The following ZC3H7A variants were observed in gnomAD, a reference collection of about 807,000 sequenced individuals.
ZC3H7A encodes zinc finger CCCH-type containing 7A.
Under a neutral mutation model 125.5 loss-of-function variants are expected in ZC3H7A, and 44 were observed. That is an observed-to-expected ratio of 0.35 (90% CI 0.28 to 0.45). The LOEUF (loss-of-function observed/expected upper bound fraction) is 0.45. ZC3H7A is among the 20% of genes least tolerant of loss of function. The probability of loss-of-function intolerance (pLI) is 1.00; values close to 1 mark genes in which losing one functional copy is unlikely to be tolerated. For missense variants in ZC3H7A, 977 were observed against 1,170.7 expected, an observed-to-expected ratio of 0.83 and a Z score of 2.41; for synonymous variants, 399 against 391.2, an observed-to-expected ratio of 1.02 and a Z score of -0.23.
intron 1 of ZC3H7A, among the ~76,000 whole-genome samples, chr16:11,787,576 A>G (rs1419521818): frequency 1.3e-5 from 2 of 152,048 alleles, no homozygotes; most frequent in Non-Finnish European, 2.9e-5. Flanking sequence ...ATCCTCCCTC[A>G]TCAGCCTCCT....
At chr16:11,785,253 T>C (rs2053238782) in intron 1 of ZC3H7A, among the ~76,000 whole-genome samples, 1 of 151,906 alleles carries the variant, frequency 6.6e-6, no homozygotes, top group South Asian at 2.1e-4. Context: ...TTGGGAGGAC[T>C]GATAGAGCCT....
chr16:11,767,729 A>G (rs1360883019), intron 12 of ZC3H7A, 151 bp from the exon 13 acceptor site: 1 of 737,750 alleles, frequency 1.4e-6, no homozygotes, highest in East Asian at 3.1e-5. Context: ...TAAGTAGGCT[A>G]CTAAGGTAGA....
intron 10 of ZC3H7A, 133 bp downstream of exon 10, chr16:11,770,650 T>C (rs2052963459): frequency 1.1e-6 from 1 of 914,268 alleles, no homozygotes; most frequent in Non-Finnish European, 1.6e-6. Context: ...GAAGGCTTAG[T>C]CTTTATATTT....
intron 15 of ZC3H7A, among the ~76,000 whole-genome samples, chr16:11,764,545 T>A (rs1342851066): frequency 6.6e-6 from 1 of 151,638 alleles, no homozygotes; most frequent in East Asian, 1.9e-4. Context: ...AAAGACTTCG[T>A]CTCAAAAAAA....
intron 2 of ZC3H7A, 36 bp downstream of exon 2, chr16:11,782,251 G>T (rs2053184319): frequency 6.8e-6 from 11 of 1,611,620 alleles, no homozygotes; most frequent in Middle Eastern, 3.3e-4. Flanking sequence ...AAAGAATTAG[G>T]ACGCGGCAAG....
intron 1 of ZC3H7A, among the ~76,000 whole-genome samples, chr16:11,788,581 G>C (rs2053297160): frequency 1.3e-5 from 2 of 151,206 alleles, no homozygotes; most frequent in African/African-American, 4.8e-5. Context: ...TCTCAGAAAA[G>C]TCCAGACAAA....
intron 1 of ZC3H7A, among the ~76,000 whole-genome samples, chr16:11,792,726 G>T (rs1391870175): frequency 6.6e-6 from 1 of 152,202 alleles, no homozygotes; most frequent in Non-Finnish European, 1.5e-5. Flanking sequence ...CTAGGAAGTA[G>T]CAGAGCTCAA....
chr16:11,771,454 C>A (rs2052980179), intron 9 of ZC3H7A, among the ~76,000 whole-genome samples: 1 of 151,244 alleles, frequency 6.6e-6, no homozygotes, highest in Admixed American at 6.6e-5. Flanking sequence ...ATTTTAGCTA[C>A]AGAACTTCTT....
chr16:11,789,271 AT>A (rs533011984), intron 1 of ZC3H7A, among the ~76,000 whole-genome samples: 7 of 149,322 alleles, frequency 4.7e-5, no homozygotes, highest in East Asian at 2.0e-4. Flanking sequence ...GTTTGTTTTT[AT>A]TTTTTTTTTG....
Position 11,765,285 on chromosome 16 carries a change from G to T in ZC3H7A, c.1720-132C>A. 1.4e-6 allele frequency: 1 copy of T among 694,400 alleles called. No homozygotes were observed. The highest frequency in any genetic ancestry group is 2.2e-6 in the Non-Finnish European group (1 of 454,670). The allele number at this position is 694,400 out of a possible 1,614,324, so 43.0% of individuals were successfully genotyped here. A position where few individuals can be genotyped will look rare whatever the true frequency, so the allele number is the denominator to read the frequency against. On this transcript the variant is annotated intron_variant, in intron 14 of 22. Coordinates refer to ENST00000355758, the MANE Select transcript of ZC3H7A (RefSeq NM_014153.4). The surrounding 1 kb of genome is among the most constrained non-coding windows in gnomAD (Gnocchi z 4.8). Reference sequence around the variant, plus strand: ...AGTTTTAATATTCTTTTTGGTAACAGTAATAGCCAACATTTACTGAATGAA... The same window carrying T: ...AGTTTTAATATTCTTTTTGGTAACATTAATAGCCAACATTTACTGAATGAA...
chr16:11,784,580 G>A (rs1192545680), intron 1 of ZC3H7A, among the ~76,000 whole-genome samples: 1 of 152,028 alleles, frequency 6.6e-6, no homozygotes, highest in East Asian at 1.9e-4. Context: ...AAGAGGCCGG[G>A]CGCAGTGGCT....
intron 8 of ZC3H7A, 36 bp downstream of exon 8, chr16:11,774,944 C>G: frequency 6.2e-7 from 1 of 1,609,872 alleles, no homozygotes; most frequent in South Asian, 1.1e-5. Context: ...AAAGCTGGCA[C>G]TATTCAAATT....
rs2052973262 is a variant in ZC3H7A, at chr16:11,771,126, G to T, written c.904-139C>A. Reference sequence around the variant, plus strand: ...AACAAAGTTTAGGCCAGGCATGGTGGCCTGTAATCCTAACACTTTGGGAGG... The same window carrying T: ...AACAAAGTTTAGGCCAGGCATGGTGTCCTGTAATCCTAACACTTTGGGAGG... On this transcript the variant is annotated intron_variant, in intron 9 of 22. Coordinates refer to ENST00000355758, the MANE Select transcript of ZC3H7A (RefSeq NM_014153.4). The T allele has an allele frequency of 3.5e-6, 3 of 864,300 alleles. No homozygotes were observed. In the East Asian group the frequency reaches 8.1e-5, roughly 23 times the overall value. 53.5% of individuals were successfully genotyped at this position (864,300 alleles called of 1,614,324 possible).
chr16:11,757,011 C>A (rs1414790205), intron 20 of ZC3H7A, among the ~76,000 whole-genome samples: 2 of 152,218 alleles, frequency 1.3e-5, no homozygotes, highest in Non-Finnish European at 2.9e-5. Flanking sequence ...GGTTTCTCAG[C>A]CTCCATGTGG....
At chr16:11,752,062 C>T (rs937835939) in intron 22 of ZC3H7A, among the ~76,000 whole-genome samples, 2 of 151,698 alleles carry the variant, frequency 1.3e-5, no homozygotes, top group South Asian at 2.1e-4. Context: ...CCTGCCACCA[C>T]GCCCGGCTAA....
chr16:11,790,770 C>T (rs927432883), intron 1 of ZC3H7A, among the ~76,000 whole-genome samples: 1 of 151,894 alleles, frequency 6.6e-6, no homozygotes, highest in African/African-American at 2.4e-5. Flanking sequence ...AACTCCCGAC[C>T]TCAGGTGATC....
At position 11,774,530 on chromosome 16, in the gene ZC3H7A, G is replaced by A. The variant is rs915739773; in HGVS notation, c.620-11C>T. The A allele has an allele frequency of 1.5e-5, 23 of 1,509,726 alleles. No individual in the cohort carries two copies. Among genetic ancestry groups the A allele is most frequent in the Non-Finnish European group, 2.0e-5 (23 of 1,128,476 alleles). 93.5% of individuals were successfully genotyped at this position (1,509,726 alleles called of 1,614,324 possible). On this transcript the variant is annotated splice_polypyrimidine_tract_variant and intron_variant, in intron 8 of 22. Coordinates refer to ENST00000355758, the MANE Select transcript of ZC3H7A (RefSeq NM_014153.4). ...TTGGAGTTAATAAATCTGTAACACA[G>A]ATGGAAATGTACTCAGTCACTTTCA...
At chr16:11,782,512 C>G (rs549798953) in intron 1 of ZC3H7A, 124 bp from the exon 2 acceptor site, 1 of 800,912 alleles carries the variant, frequency 1.2e-6, no homozygotes, top group South Asian at 1.6e-5. Flanking sequence ...TGACTTGACT[C>G]CAGGGTCCTG....
chr16:11,788,898 C>T (rs2053303763), intron 1 of ZC3H7A, among the ~76,000 whole-genome samples: 1 of 152,174 alleles, frequency 6.6e-6, no homozygotes, highest in Admixed American at 6.5e-5. Flanking sequence ...AGGCGTGAGC[C>T]ACCACGCTCG....
Sources: gnomAD v4.1 joint callset for allele counts (sites outside exome capture counted in the v4.1 genomes callset) on GRCh38, gnomAD v4.1.1 for gene constraint, Gnocchi (gnomAD v3.1) non-coding constraint, MANE v1.5 for transcripts, NCBI Gene and HGNC (gene_info 2026-07-23, HGNC 2026-07-21) for gene names.